The following CDK6 variants were observed in gnomAD, a reference collection of about 807,000 sequenced individuals.
CDK6 encodes the protein cyclin-dependent kinase 6.
CDK6 carries 6 observed loss-of-function variants against 37.1 expected under a neutral mutation model. The ratio of observed to expected loss-of-function variants is 0.16; its 90% CI spans 0.09 to 0.32. The LOEUF (loss-of-function observed/expected upper bound fraction) is 0.32. Among genes scored for constraint, CDK6 ranks in the 10% least tolerant of loss-of-function variants. CDK6 has a pLI of 1.00. For missense variants in CDK6, 224 were observed against 418.9 expected, an observed-to-expected ratio of 0.53 and a Z score of 4.06; for synonymous variants, 160 against 161.3, an observed-to-expected ratio of 0.99 and a Z score of 0.06.
chr7:92,690,880 T>C (rs745887464), intron 4 of CDK6, among the ~76,000 whole-genome samples: 1 of 152,190 alleles, frequency 6.6e-6, no homozygotes, highest in Non-Finnish European at 1.5e-5. Flanking sequence ...GTATAACCAT[T>C]ATGGGAGTCA....
chr7:92,639,046 G>A lies in CDK6; in HGVS notation c.648-15960C>T, dbSNP rs113978072. Among the ~76,000 whole-genome samples the A allele has an allele frequency of 4.5e-3, 684 of 152,146 alleles. 6 individuals carry two copies. Among genetic ancestry groups the A allele is most frequent in the African/African-American group, 0.015 (640 of 41,510 alleles). ...TCAGATTCTCCTGATGTTATCCTGG[G>A]ACTTATATCATCTGCTTCTTTATGG... On this transcript the variant is annotated intron_variant, in intron 5 of 7. Coordinates refer to ENST00000424848, the MANE Select transcript of CDK6 (RefSeq NM_001145306.2).
intron 5 of CDK6, among the ~76,000 whole-genome samples, chr7:92,630,735 C>G (rs569891395): frequency 3.9e-4 from 59 of 152,236 alleles, no homozygotes; most frequent in African/African-American, 1.4e-3. Flanking sequence ...CTTGGATAAC[C>G]CTTCTGCTCC....
chr7:92,686,317 G>C (rs1173684577), intron 4 of CDK6, among the ~76,000 whole-genome samples: 1 of 152,010 alleles, frequency 6.6e-6, no homozygotes, highest in Non-Finnish European at 1.5e-5. Flanking sequence ...AAAGTCCACT[G>C]TATCATTCTT....
intron 5 of CDK6, among the ~76,000 whole-genome samples, chr7:92,631,920 T>C (rs1346353346): frequency 6.6e-6 from 1 of 152,132 alleles, no homozygotes; most frequent in Non-Finnish European, 1.5e-5. Flanking sequence ...GCAACATTGA[T>C]ACAAGGAATA....
intron 4 of CDK6, among the ~76,000 whole-genome samples, chr7:92,716,884 A>C (rs1330536074): frequency 6.6e-6 from 1 of 152,202 alleles, no homozygotes; most frequent in Non-Finnish European, 1.5e-5. Flanking sequence ...CAAAAATGTT[A>C]AATGTAGGAG....
intron 4 of CDK6, among the ~76,000 whole-genome samples, chr7:92,683,024 T>G (rs1437296075): frequency 2.0e-5 from 3 of 152,222 alleles, no homozygotes; most frequent in Non-Finnish European, 4.4e-5. Flanking sequence ...CAGTATAGTA[T>G]AGTTTTGATT....
At chr7:92,670,324 A>G (rs2116600352) in intron 5 of CDK6, among the ~76,000 whole-genome samples, 1 of 152,294 alleles carries the variant, frequency 6.6e-6, no homozygotes, top group South Asian at 2.1e-4. Context: ...GAATTTGCTG[A>G]GTACTAGCAA....
At chr7:92,725,918 T>C in intron 3 of CDK6, 125 bp from the exon 4 acceptor site, 1 of 736,326 alleles carries the variant, frequency 1.4e-6, no homozygotes, top group South Asian at 1.9e-5. Flanking sequence ...TGACAGGTAT[T>C]GGCTGAATGA....
At chr7:92,773,578 A>C (rs1799772688) in intron 3 of CDK6, among the ~76,000 whole-genome samples, 1 of 152,232 alleles carries the variant, frequency 6.6e-6, no homozygotes, top group South Asian at 2.1e-4. Flanking sequence ...GAAGATGGCC[A>C]AGAACAGGTA....
chr7:92,790,269 AACC>A (rs1800249199), intron 2 of CDK6, among the ~76,000 whole-genome samples: 1 of 152,104 alleles, frequency 6.6e-6, no homozygotes, highest in African/African-American at 2.4e-5. Flanking sequence ...ATGTTCAATC[AACC>A]ACCAATTCCA....
intron 5 of CDK6, among the ~76,000 whole-genome samples, chr7:92,635,325 CAT>C (rs1236080560): frequency 2.6e-5 from 4 of 152,244 alleles, no homozygotes; most frequent in East Asian, 3.9e-4. Flanking sequence ...CACTTTACCA[CAT>C]GTTATGGAAA....
intron 3 of CDK6, among the ~76,000 whole-genome samples, chr7:92,760,579 T>C (rs1374898977): frequency 1.3e-5 from 2 of 152,186 alleles, no homozygotes; most frequent in Non-Finnish European, 2.9e-5. Flanking sequence ...TTGAATTATA[T>C]GAAACTGTCA....
chr7:92,695,332 G>T (rs375435090), intron 4 of CDK6, among the ~76,000 whole-genome samples: 2 of 151,798 alleles, frequency 1.3e-5, no homozygotes, highest in South Asian at 2.1e-4. Flanking sequence ...AAGAAGCAAT[G>T]CTCAAGGTAA....
At chr7:92,807,944 A>T (rs1800770520) in intron 2 of CDK6, among the ~76,000 whole-genome samples, 1 of 152,216 alleles carries the variant, frequency 6.6e-6, no homozygotes, top group Non-Finnish European at 1.5e-5. Context: ...TATGAGTTTT[A>T]GTGTTAAGTG....
intron 3 of CDK6, among the ~76,000 whole-genome samples, chr7:92,744,244 T>A (rs894362511): frequency 1.3e-5 from 2 of 152,168 alleles, no homozygotes; most frequent in African/African-American, 4.8e-5. Context: ...CAGCTCCACA[T>A]GGCTGGGGAG....
chr7:92,734,735 C>G (rs559025426), intron 3 of CDK6, among the ~76,000 whole-genome samples: 11 of 152,158 alleles, frequency 7.2e-5, no homozygotes, highest in Non-Finnish European at 1.0e-4. Flanking sequence ...GTTTGGATTA[C>G]GGGATAGGGA....
Position 92,611,865 on chromosome 7 carries a change from A to C in CDK6, c.*3275T>G, listed in dbSNP as rs958672942. 3.0e-5 allele frequency: 7 copies of C among 232,228 alleles called. No individual in the cohort carries two copies. The highest frequency in any genetic ancestry group is 1.3e-4 in the African/African-American group (6 of 45,296). 14.4% of individuals were successfully genotyped at this position (232,228 alleles called of 1,614,324 possible). ...GCTAAATGAAAAGTCTGCCATTCAC[A>C]GTGTGTGCTTCCTGAGAGAAAATCA... On this transcript the variant is annotated 3_prime_UTR_variant, in exon 8 of 8. Transcript: ENST00000424848.
At chr7:92,738,763 A>C (rs1328428970) in intron 3 of CDK6, among the ~76,000 whole-genome samples, 1 of 152,178 alleles carries the variant, frequency 6.6e-6, no homozygotes, top group Non-Finnish European at 1.5e-5. Flanking sequence ...TTTGCATTGC[A>C]AATACAATTT....
chr7:92,647,733 A>T (rs1192401867), intron 5 of CDK6, among the ~76,000 whole-genome samples: 6 of 152,208 alleles, frequency 3.9e-5, no homozygotes, highest in Non-Finnish European at 8.8e-5. Flanking sequence ...TCATCTAAAT[A>T]TTGCAGGTTT....
Sources: gnomAD v4.1 joint callset for allele counts (sites outside exome capture counted in the v4.1 genomes callset) on GRCh38, gnomAD v4.1.1 for gene constraint, MANE v1.5 for transcripts, NCBI Gene and HGNC (gene_info 2026-07-23, HGNC 2026-07-21) for gene names.